The following NDUFA5 variants were observed in gnomAD, a reference collection of about 807,000 sequenced individuals.
NDUFA5 encodes the protein NADH:ubiquinone oxidoreductase subunit A5, also known as NADH dehydrogenase [ubiquinone] 1 alpha subcomplex subunit 5.
A neutral mutation model predicts 19.8 loss-of-function variants in NDUFA5; 11 were observed. That is an observed-to-expected ratio of 0.56 (90% confidence interval 0.35 to 0.92). The LOEUF (loss-of-function observed/expected upper bound fraction) is 0.92, where lower values mean the gene tolerates loss of function less well. Among genes scored for constraint, NDUFA5 ranks in the 40% least tolerant of loss-of-function variants. The pLI is 0.01. For missense variants in NDUFA5, 109 were observed against 134.2 expected, an observed-to-expected ratio of 0.81 and a Z score of 0.93; for synonymous variants, 47 against 46.8, an observed-to-expected ratio of 1.00 and a Z score of -0.01.
At position 123,538,093 on chromosome 7, in the gene NDUFA5, GTTTC is replaced by G. The variant is rs1267483461; in HGVS notation, c.*4022_*4025del. The G allele has an allele frequency of 6.6e-6, 1 of 151,984 alleles. No homozygotes were observed. Among genetic ancestry groups the G allele is most frequent in the Non-Finnish European group, 1.5e-5 (1 of 67,960 alleles). The allele number at this position is 151,984 out of a possible 1,614,324, so 9.4% of individuals were successfully genotyped here. Reference sequence around the variant, plus strand: ...GTCAAAAAAAAATTTAACCTTGGTTGTTTCTTTTTTTTTATTCCTATGTGTAATT... The same window carrying G: ...GTCAAAAAAAAATTTAACCTTGGTTGTTTTTTTTTATTCCTATGTGTAATT... On this transcript the variant is annotated 3_prime_UTR_variant, in exon 5 of 5. Coordinates refer to ENST00000355749, the MANE Select transcript of NDUFA5 (RefSeq NM_005000.5).
chr7:123,546,840 T>A, intron 3 of NDUFA5: 1 of 510,846 alleles, frequency 2.0e-6, no homozygotes, highest in Non-Finnish European at 3.6e-6. Flanking sequence ...ACAAAAGATA[T>A]ACATGTATTA....
the NDUFA5 span, among the ~76,000 whole-genome samples, chr7:123,600,943 C>T: frequency 2.0e-5 from 3 of 152,110 alleles, no homozygotes; most frequent in African/African-American, 7.2e-5. Context: ...TCACTGGCAG[C>T]AAATCCAATG....
At chr7:123,582,864 T>A in the NDUFA5 span, among the ~76,000 whole-genome samples, 1 of 152,006 alleles carries the variant, frequency 6.6e-6, no homozygotes, top group Non-Finnish European at 1.5e-5. Flanking sequence ...GGCAAATAAA[T>A]GAATGCAGTA....
chr7:123,545,607 T>C lies in NDUFA5; in HGVS notation c.249+4A>G. 6.2e-7 allele frequency: 1 copy of C among 1,610,132 alleles called. No individual in the cohort carries two copies. Among genetic ancestry groups the C allele is most frequent in the East Asian group, 2.2e-5 (1 of 44,678 alleles). On this transcript the variant is annotated splice_donor_region_variant and intron_variant, in intron 4 of 4. Coordinates refer to ENST00000355749, the MANE Select transcript of NDUFA5 (RefSeq NM_005000.5). The stretch of plus-strand genomic sequence containing the variant: ...AACACCTAAATAGTCAACTTTTTCT[T>C]TACCTGAAGAATCACCTCTTCTAAT...
rs908825013 is a variant in NDUFA5, at chr7:123,542,063, T to G, written c.*56A>C. The G allele has an allele frequency of 2.3e-6, 3 of 1,276,842 alleles. No individual in the cohort carries two copies. Among genetic ancestry groups the G allele is most frequent in the Non-Finnish European group, 3.3e-6 (3 of 906,026 alleles). The allele number at this position is 1,276,842 out of a possible 1,614,324, so 79.1% of individuals were successfully genotyped here. A position where few individuals can be genotyped will look rare whatever the true frequency, so the allele number is the denominator to read the frequency against. On this transcript the variant is annotated 3_prime_UTR_variant, in exon 5 of 5. Transcript: ENST00000355749. ...CAGTAATAAGAACACGCTCTTAATATAACAGAATATTTAATTACATCAGTT... is the reference window on the plus strand; with the variant it reads ...CAGTAATAAGAACACGCTCTTAATAGAACAGAATATTTAATTACATCAGTT...
At position 123,540,291 on chromosome 7, in the gene NDUFA5, T is replaced by A. The variant is rs189716101; in HGVS notation, c.*1828A>T. On this transcript the variant is annotated 3_prime_UTR_variant, in exon 5 of 5. Coordinates refer to ENST00000355749, the MANE Select transcript of NDUFA5 (RefSeq NM_005000.5). ...AATATTATTTTTACAATGACTATTA[T>A]TCTGCAACTAGCATTTCTAATGCAA... The A allele has an allele frequency of 1.1e-4, 17 of 152,336 alleles. No individual in the cohort carries two copies. The highest frequency in any genetic ancestry group is 3.8e-4 in the African/African-American group (16 of 41,580). 9.4% of individuals were successfully genotyped at this position (152,336 alleles called of 1,614,324 possible). A position where few individuals can be genotyped will look rare whatever the true frequency, so the allele number is the denominator to read the frequency against.
the NDUFA5 span, among the ~76,000 whole-genome samples, chr7:123,592,057 T>C: frequency 5.9e-5 from 9 of 152,206 alleles, no homozygotes; most frequent in Non-Finnish European, 1.2e-4. Flanking sequence ...AATTTATCCA[T>C]TTCTTCTAGA....
At chr7:123,597,952 G>GTGTGTT in the NDUFA5 span, among the ~76,000 whole-genome samples, 5 of 151,808 alleles carry the variant, frequency 3.3e-5, no homozygotes, top group South Asian at 2.1e-4. Context: ...GTGTGTGTGT[G>GTGTGTT]TGTGTGTGTC....
chr7:123,537,108 T>C lies in NDUFA5; in HGVS notation c.*5011A>G, dbSNP rs1168898623. The C allele has an allele frequency of 2.6e-5, 4 of 152,214 alleles. No homozygotes were observed. Among genetic ancestry groups the C allele is most frequent in the Admixed American group, 2.6e-4 (4 of 15,280 alleles). 9.4% of individuals were successfully genotyped at this position (152,214 alleles called of 1,614,324 possible). ...TTTACAATACCATTTTCCATTTTCCTTTTCATGATAAATCTATGCATTTTC... is the reference window on the plus strand; with the variant it reads ...TTTACAATACCATTTTCCATTTTCCCTTTCATGATAAATCTATGCATTTTC... On this transcript the variant is annotated 3_prime_UTR_variant, in exon 5 of 5. Transcript: ENST00000355749.
chr7:123,545,398 C>G (rs1464581506), intron 4 of NDUFA5, among the ~76,000 whole-genome samples: 1 of 152,048 alleles, frequency 6.6e-6, no homozygotes, highest in Non-Finnish European at 1.5e-5. Context: ...AAACTCCAGG[C>G]TTCTAACAGA....
chr7:123,557,308 A>G (rs1376240669), intron 2 of NDUFA5, 96 bp downstream of exon 2: 1 of 1,562,868 alleles, frequency 6.4e-7, no homozygotes, highest in Non-Finnish European at 8.7e-7. Context: ...TAAGGGCTTG[A>G]AACATCTGTA....
intron 3 of NDUFA5, among the ~76,000 whole-genome samples, chr7:123,547,377 C>T (rs1415328564): frequency 2.6e-5 from 4 of 152,028 alleles, no homozygotes; most frequent in African/African-American, 9.7e-5. Flanking sequence ...ACACTATGTA[C>T]GTCTTTACTC....
At chr7:123,563,422 G>C in the NDUFA5 span, among the ~76,000 whole-genome samples, 2 of 152,128 alleles carry the variant, frequency 1.3e-5, no homozygotes, top group Non-Finnish European at 2.9e-5. Flanking sequence ...CCAGTCGGTG[G>C]AGCAACCAGA....
chr7:123,553,665 C>A (rs561179409), intron 2 of NDUFA5, among the ~76,000 whole-genome samples: 30 of 152,308 alleles, frequency 2.0e-4, no homozygotes, highest in Admixed American at 8.5e-4. Context: ...TAAGGGTGTG[C>A]TAACCAGAAC....
At chr7:123,574,145 A>G in the NDUFA5 span, among the ~76,000 whole-genome samples, 13 of 150,986 alleles carry the variant, frequency 8.6e-5, no homozygotes, top group Admixed American at 8.6e-4. Context: ...TTTTAGAATC[A>G]TTTTTGACAT....
chr7:123,582,479 A>G, the NDUFA5 span, among the ~76,000 whole-genome samples: 1 of 152,022 alleles, frequency 6.6e-6, no homozygotes, highest in African/African-American at 2.4e-5. Context: ...TTCAGTATAT[A>G]CATATATCCT....
intron 3 of NDUFA5, 109 bp downstream of exon 3, chr7:123,550,361 T>C (rs370294413): frequency 1.0e-5 from 7 of 703,044 alleles, no homozygotes; most frequent in African/African-American, 5.4e-5. Flanking sequence ...GAAAAGAGCA[T>C]TCAAGGAAGG....
At chr7:123,559,218 G>A (rs2116225523), upstream of NDUFA5, among the ~76,000 whole-genome samples, 1 of 151,554 alleles carries the variant, frequency 6.6e-6, no homozygotes, top group Non-Finnish European at 1.5e-5. Flanking sequence ...AAAATGGCCA[G>A]ATTCCTAGAA....
rs138955489 is a variant in NDUFA5, at chr7:123,550,585, C to A, written c.68G>T (p.Arg23Met). The A allele has an allele frequency of 1.3e-6, 2 of 1,568,840 alleles. No homozygotes were observed. Among genetic ancestry groups the A allele is most frequent in the Non-Finnish European group, 1.7e-6 (2 of 1,144,390 alleles). Residue 23 changes from arginine to methionine, a missense_variant and splice_region_variant, in exon 3 of 5, where the codon AGG becomes ATG. By Grantham distance (91) the Arg-to-Met change is moderately conservative. Transcript: ENST00000355749. Reference protein sequence around the residue: ...GLAVCNTPHERLRILYTKILD... With the variant: ...GLAVCNTPHEMLRILYTKILD... ...AATCTTTGTGTACAATATTCTTAGC[C>A]TCTGAAAAGACAAACCATACAAATT...
Sources: gnomAD v4.1 joint callset for allele counts (sites outside exome capture counted in the v4.1 genomes callset) on GRCh38, gnomAD v4.1.1 for gene constraint, MANE v1.5 for transcripts, NCBI Gene and HGNC (gene_info 2026-07-23, HGNC 2026-07-21) for gene names.